ZNF302: variants seen among roughly 807,000 people sequenced by gnomAD.
ZNF302 encodes zinc finger protein 302, also known as zinc finger protein 327.
A neutral mutation model predicts 10.8 loss-of-function variants in ZNF302; 12 were observed. That is an observed-to-expected ratio of 1.11 (90% CI 0.71 to 1.79). The LOEUF (loss-of-function observed/expected upper bound fraction) is 1.79, where lower values mean the gene tolerates loss of function less well. Ranked by LOEUF, ZNF302 falls within the 40% of genes most tolerant of loss-of-function variation. The probability of loss-of-function intolerance (pLI) is 0.00; values close to 1 mark genes in which losing one functional copy is unlikely to be tolerated. For missense variants in ZNF302, 461 were observed against 471.1 expected (o/e 0.98, Z 0.20); for synonymous variants, 178 against 157.5 (o/e 1.13, Z -0.98).
At position 34,678,573 on chromosome 19, in the gene ZNF302, C is replaced by T. The variant is rs543912207; in HGVS notation, c.-68-164C>T. Among the ~76,000 whole-genome samples, 3 of 152,284 alleles carry T rather than the reference C, an allele frequency of 2.0e-5. No individual in the cohort carries two copies. In the South Asian group the frequency reaches 6.2e-4, roughly 32 times the overall value. On this transcript the variant is annotated intron_variant, in intron 1 of 4. Coordinates refer to ENST00000505242, the MANE Select transcript of ZNF302 (RefSeq NM_001289187.2). ...AATTGATTTTCCCCGCAGGTGGCAC[C>T]TGGTAAATAGCCCTTGCGGAGAAAC... is the stretch of plus-strand genomic sequence containing the variant.
At chr19:34,683,114 G>A (rs775523467) in intron 3 of ZNF302, 41 bp from the exon 4 acceptor site, 63 of 1,612,278 alleles carry the variant, frequency 3.9e-5, no homozygotes, top group Non-Finnish European at 2.0e-5. Flanking sequence ...TCATAATAGA[G>A]GACCACAGCT....
At chr19:34,683,351 A>C in intron 4 of ZNF302, 113 bp downstream of exon 4, 1 of 1,264,796 alleles carries the variant, frequency 7.9e-7, no homozygotes, top group Non-Finnish European at 1.1e-6. Context: ...CTCAGATAGA[A>C]ATGAAAAATT....
chr19:34,679,829 G>T (rs774064546), intron 2 of ZNF302: 44 of 702,530 alleles, frequency 6.3e-5, no homozygotes, highest in Admixed American at 5.8e-4. Context: ...CTGTTATAGC[G>T]TCAGTACCCA....
chr19:34,676,711 C>T (rs2067964108), upstream of ZNF302: 1 of 152,186 alleles, frequency 6.6e-6, no homozygotes, highest in Non-Finnish European at 1.5e-5. Context: ...GAAGATCATG[C>T]AGGTCAGTAC....
chr19:34,682,686 A>C (rs1188225493), intron 2 of ZNF302, 91 bp from the exon 3 acceptor site: 1 of 1,575,494 alleles, frequency 6.3e-7, no homozygotes, highest in African/African-American at 1.4e-5. Context: ...ATCTTGTTCC[A>C]TTTCTTCCAC....
At position 34,685,905 on chromosome 19, in the gene ZNF302, T is replaced by C. The variant is rs115478898; in HGVS notation, c.*668T>C. On this transcript the variant is annotated 3_prime_UTR_variant, in exon 5 of 5. Coordinates refer to ENST00000505242, the MANE Select transcript of ZNF302 (RefSeq NM_001289187.2). ...CATGTAGCAAATGTGGGAAAGACTA[T>C]AGGCAATAGGAATCTCCTGCAAACT... 9.3e-3 allele frequency: 1,719 copies of C among 185,576 alleles called. 17 individuals carry two copies. The highest frequency in any genetic ancestry group is 0.038 in the African/African-American group (1,611 of 42,788). The allele number at this position is 185,576 out of a possible 1,614,324, so 11.5% of individuals were successfully genotyped here.
In ZNF302 at chr19:34,677,939, C is replaced by CT. The variant is rs1163609421; in HGVS notation, c.-232dup. On this transcript the variant is annotated 5_prime_UTR_variant, in exon 1 of 5. Coordinates refer to ENST00000505242, the MANE Select transcript of ZNF302 (RefSeq NM_001289187.2). ...CCACGGCCGGGGCCTTGGGCATTTC[C>CT]TGGCCTTCCTGTTGAGCCGTGTAAA... 2 of 152,298 alleles carry CT rather than the reference C, an allele frequency of 1.3e-5. No homozygotes were observed. Among genetic ancestry groups the CT allele is most frequent in the Admixed American group, 6.5e-5 (1 of 15,288 alleles). 9.4% of individuals were successfully genotyped at this position (152,298 alleles called of 1,614,324 possible). A position where few individuals can be genotyped will look rare whatever the true frequency, so the allele number is the denominator to read the frequency against.
Position 34,683,985 on chromosome 19 carries a change from C to T in ZNF302, c.215-267C>T, listed in dbSNP as rs202114091. 749 of 1,417,106 alleles carry T rather than the reference C, an allele frequency of 5.3e-4. 3 individuals carry two copies. The highest frequency in any genetic ancestry group is 3.1e-3 in the Middle Eastern group (16 of 5,170). 87.8% of individuals were successfully genotyped at this position (1,417,106 alleles called of 1,614,324 possible). On this transcript the variant is annotated intron_variant, in intron 4 of 4. Transcript: ENST00000505242. The stretch of plus-strand genomic sequence containing the variant: ...TTTTTCCATACTATTTTATCCATTT[C>T]GTACAGCTTACCCATTTCCTTTATC...
intron 2 of ZNF302, among the ~76,000 whole-genome samples, chr19:34,679,282 G>C (rs1475349465): frequency 8.5e-5 from 13 of 152,110 alleles, no homozygotes; most frequent in Non-Finnish European, 1.3e-4. Context: ...CCCAGTCCGA[G>C]CCACCTGGAT....
rs375844458 is a variant in ZNF302 at position 34,684,771 on chromosome 19, C to G, written c.734C>G (p.Thr245Arg). ...ACTTTTAGCCATGGTTCATCCCTTA[C>G]ACGACATCAGATAAGCCATAGTGGA... is the stretch of plus-strand genomic sequence containing the variant. ...GKTFSHGSSL[T>R]RHQISHSGEK... Residue 245 changes from threonine (T) to arginine (R), a missense_variant, in exon 5 of 5, where the codon ACA (threonine) becomes AGA (arginine). Physicochemically the swap from Thr to Arg is moderately conservative, Grantham distance 71. Coordinates refer to ENST00000505242, the MANE Select transcript of ZNF302 (RefSeq NM_001289187.2). 73 of 1,613,876 alleles carry G rather than the reference C, an allele frequency of 4.5e-5. 1 individual carries two copies. Among genetic ancestry groups the G allele is most frequent in the South Asian group, 4.4e-4 (40 of 91,082 alleles).
At chr19:34,679,391 A>T (rs1342992238) in intron 2 of ZNF302, among the ~76,000 whole-genome samples, 1 of 152,084 alleles carries the variant, frequency 6.6e-6, no homozygotes, top group East Asian at 1.9e-4. Context: ...TGTTATATAA[A>T]TTCCTGTCAT....
At chr19:34,678,697 T>G (rs1425814049) in intron 1 of ZNF302, 40 bp from the exon 2 acceptor site, 1 of 1,366,046 alleles carries the variant, frequency 7.3e-7, no homozygotes, top group South Asian at 1.2e-5. Context: ...ATAAGCCCGA[T>G]TTTTCATGAC....
intron 3 of ZNF302, 24 bp downstream of exon 3, chr19:34,682,921 C>A (rs1169125070): frequency 6.2e-7 from 1 of 1,608,718 alleles, no homozygotes; most frequent in Non-Finnish European, 8.5e-7. Context: ...CCCTTCCACT[C>A]CAATAGGGGA....
intron 2 of ZNF302, chr19:34,681,487 C>T (rs982980366): frequency 6.6e-6 from 1 of 152,196 alleles, no homozygotes; most frequent in Non-Finnish European, 1.5e-5. Context: ...CACCAGGGAT[C>T]AGTTTCGTGG....
chr19:34,684,064 G>T (rs1235769739), intron 4 of ZNF302, 188 bp from the exon 5 acceptor site: 35 of 1,524,090 alleles, frequency 2.3e-5, no homozygotes, highest in Non-Finnish European at 3.0e-5. Flanking sequence ...TTTGAGCATT[G>T]TTCAGAAGTC....
At chr19:34,683,277 A>C in intron 4 of ZNF302, 39 bp downstream of exon 4, 2 of 1,612,248 alleles carry the variant, frequency 1.2e-6, no homozygotes, top group Non-Finnish European at 1.7e-6. Context: ...GAGACAAAGG[A>C]AGATTTTGTT....
At chr19:34,684,203 A>AGGG in intron 4 of ZNF302, 49 bp from the exon 5 acceptor site, 2 of 918,432 alleles carry the variant, frequency 2.2e-6, no homozygotes, top group Non-Finnish European at 2.9e-6. Flanking sequence ...AAAAAAAAAA[A>AGGG]AAAAAAAAAA....
At chr19:34,680,045 C>A in intron 2 of ZNF302, 2 of 661,256 alleles carry the variant, frequency 3.0e-6, no homozygotes, top group Non-Finnish European at 5.5e-6. Context: ...TGTGGTAGTG[C>A]ATGCCTGTTG....
intron 2 of ZNF302, chr19:34,682,552 T>A: frequency 2.2e-6 from 1 of 452,076 alleles, no homozygotes; most frequent in South Asian, 4.2e-5. Flanking sequence ...TATTTGTCTC[T>A]CATTCTTATT....
Sources: allele counts gnomAD v4.1 joint callset (sites outside exome capture counted in the v4.1 genomes callset), GRCh38; gene constraint gnomAD v4.1.1; transcripts MANE v1.5; gene names NCBI Gene and HGNC (gene_info 2026-07-23, HGNC 2026-07-21).